GMDS: variants seen among roughly 807,000 people sequenced by gnomAD.
GMDS encodes the protein GDP-mannose 4,6 dehydratase.
In GMDS, 20 loss-of-function variants were observed where a neutral mutation model predicts 49.9. The observed-to-expected ratio is 0.40, with a 90% confidence interval of 0.28 to 0.58. The LOEUF (loss-of-function observed/expected upper bound fraction) is 0.58, where lower values mean the gene tolerates loss of function less well. GMDS is among the 20% of genes least tolerant of loss of function. GMDS has a pLI of 0.42. For missense variants in GMDS, 362 were observed against 481.4 expected (o/e 0.75, Z 2.32); for synonymous variants, 177 against 178.6 (o/e 0.99, Z 0.07).
rs116749068 is a variant in GMDS, at chr6:2,152,527, T to C, written c.103-27796A>G. On this transcript the variant is annotated intron_variant, in intron 1 of 10. Coordinates refer to ENST00000380815, the MANE Select transcript of GMDS (RefSeq NM_001500.4). ...TTATACTAGCAACAAATTTGAACAC[T>C]TAAAATGGAGTTAACAAGATATTAA... Among the ~76,000 whole-genome samples, 864 of 152,154 alleles carry C rather than the reference T, an allele frequency of 5.7e-3. 2 individuals carry two copies. The highest frequency in any genetic ancestry group is 0.018 in the Middle Eastern group (5 of 282).
At chr6:2,209,568 C>CAT (rs753162079) in intron 1 of GMDS, among the ~76,000 whole-genome samples, 1 of 126,396 alleles carries the variant, frequency 7.9e-6, no homozygotes, top group African/African-American at 3.2e-5. Flanking sequence ...TACACATACA[C>CAT]ATACACACAC....
At chr6:1,919,696 C>T (rs1761618858) in intron 7 of GMDS, among the ~76,000 whole-genome samples, 1 of 152,210 alleles carries the variant, frequency 6.6e-6, no homozygotes, top group Non-Finnish European at 1.5e-5. Context: ...ATATTCTTCA[C>T]CTTCAATAAG....
intron 4 of GMDS, among the ~76,000 whole-genome samples, chr6:2,024,497 C>T (rs540119411): frequency 6.6e-6 from 1 of 151,584 alleles, no homozygotes; most frequent in Non-Finnish European, 1.5e-5. Flanking sequence ...AGCAATAAAT[C>T]GAAACATGGG....
Position 1,871,117 on chromosome 6 carries a change from C to T in GMDS, c.771+58986G>A, listed in dbSNP as rs550941517. On this transcript the variant is annotated intron_variant, in intron 7 of 10. Transcript: ENST00000380815. ...ACCACTGTCTAATTACTCTGAACAT[C>T]CACAAGGAGAGTTAACGAGTACCAA... Among the ~76,000 whole-genome samples, 94 of 151,760 alleles carry T rather than the reference C, an allele frequency of 6.2e-4. 2 individuals are homozygous for T. The highest frequency in any genetic ancestry group is 3.4e-3 in the Middle Eastern group (1 of 294).
At chr6:1,809,246 T>C (rs1184251143) in intron 7 of GMDS, among the ~76,000 whole-genome samples, 1 of 152,208 alleles carries the variant, frequency 6.6e-6, no homozygotes, top group Non-Finnish European at 1.5e-5. Flanking sequence ...TAAAGGCAAC[T>C]GAATAAATAA....
intron 7 of GMDS, among the ~76,000 whole-genome samples, chr6:1,743,142 G>A (rs904528994): frequency 3.3e-5 from 5 of 152,160 alleles, no homozygotes; most frequent in African/African-American, 9.7e-5. Context: ...AAACAACCAC[G>A]TAATGGAGAG....
chr6:1,644,178 C>G (rs1327103211), intron 9 of GMDS, among the ~76,000 whole-genome samples: 3 of 152,250 alleles, frequency 2.0e-5, no homozygotes, highest in Non-Finnish European at 4.4e-5. Context: ...AGGATCCACT[C>G]TTCCTCCAGG....
chr6:2,237,518 CTTTT>C (rs397885506), intron 1 of GMDS, among the ~76,000 whole-genome samples: 1 of 125,866 alleles, frequency 7.9e-6, no homozygotes, highest in African/African-American at 3.1e-5. Context: ...TTGGAAGTAC[CTTTT>C]TTTTTTTTTT....
chr6:1,818,384 G>A (rs1253624612), intron 7 of GMDS, among the ~76,000 whole-genome samples: 1 of 152,116 alleles, frequency 6.6e-6, no homozygotes, highest in Non-Finnish European at 1.5e-5. Flanking sequence ...GAGGCGGGTG[G>A]ATCACCTGAG....
chr6:1,950,390 C>G (rs1271470666), intron 6 of GMDS, among the ~76,000 whole-genome samples: 2 of 152,094 alleles, frequency 1.3e-5, no homozygotes, highest in Non-Finnish European at 2.9e-5. Flanking sequence ...TAACTAATAA[C>G]AAAAAGTAAA....
At chr6:2,093,957 C>T (rs542404598) in intron 4 of GMDS, among the ~76,000 whole-genome samples, 7 of 152,276 alleles carry the variant, frequency 4.6e-5, no homozygotes, top group African/African-American at 1.4e-4. Flanking sequence ...AAGAAACAAT[C>T]CTGTGATAAT....
intron 7 of GMDS, among the ~76,000 whole-genome samples, chr6:1,748,655 C>G: frequency 6.6e-6 from 1 of 152,222 alleles, no homozygotes; most frequent in East Asian, 1.9e-4. Flanking sequence ...CACATGGTCT[C>G]TGTTTCTCTG....
chr6:1,840,191 C>T (rs904405604), intron 7 of GMDS, among the ~76,000 whole-genome samples: 6 of 152,082 alleles, frequency 3.9e-5, no homozygotes, highest in African/African-American at 7.2e-5. Context: ...TTAGGCAATA[C>T]CCACTTTAAA....
chr6:2,143,257 CTT>C (rs1397276645), intron 1 of GMDS, among the ~76,000 whole-genome samples: 2 of 152,218 alleles, frequency 1.3e-5, no homozygotes, highest in South Asian at 2.1e-4. Context: ...AGCTTGGCCT[CTT>C]TGTCTTAAAA....
At chr6:1,643,651 TG>T (rs936075643) in intron 9 of GMDS, among the ~76,000 whole-genome samples, 2 of 151,874 alleles carry the variant, frequency 1.3e-5, no homozygotes, top group South Asian at 2.1e-4. Context: ...TGGGCCACGG[TG>T]GGGGGGACAC....
chr6:2,135,339 G>T (rs1775939719), intron 1 of GMDS, among the ~76,000 whole-genome samples: 1 of 152,058 alleles, frequency 6.6e-6, no homozygotes, highest in South Asian at 2.1e-4. Context: ...GTGTATTTGT[G>T]TATCCGTGAG....
intron 9 of GMDS, among the ~76,000 whole-genome samples, chr6:1,706,759 T>C (rs1020446693): frequency 1.3e-5 from 2 of 152,236 alleles, no homozygotes; most frequent in Non-Finnish European, 2.9e-5. Flanking sequence ...TTTATGCTTC[T>C]TTTTTCACCC....
intron 4 of GMDS, among the ~76,000 whole-genome samples, chr6:1,979,647 C>G (rs986449817): frequency 1.3e-5 from 2 of 152,166 alleles, no homozygotes; most frequent in African/African-American, 4.8e-5. Context: ...GGAGAACTTC[C>G]TCAGCCTAGC....
chr6:1,741,962 C>T (rs1299224241), intron 8 of GMDS, among the ~76,000 whole-genome samples: 1 of 150,590 alleles, frequency 6.6e-6, no homozygotes, highest in Non-Finnish European at 1.5e-5. Context: ...TGCTCTTTCA[C>T]CCAGGCTGGA....
Sources: allele counts gnomAD v4.1 joint callset (sites outside exome capture counted in the v4.1 genomes callset), GRCh38; gene constraint gnomAD v4.1.1; transcripts MANE v1.5; gene names NCBI Gene and HGNC (gene_info 2026-07-23, HGNC 2026-07-21).